Variants in APOBEC3F observed in about 807,000 individuals in gnomAD.
APOBEC3F encodes apolipoprotein B mRNA editing enzyme catalytic subunit 3F.
A neutral mutation model predicts 45.8 loss-of-function variants in APOBEC3F; 34 were observed. That is an observed-to-expected ratio of 0.74 (90% CI 0.57 to 0.99). The LOEUF (loss-of-function observed/expected upper bound fraction) is 0.99, where lower values mean the gene tolerates loss of function less well. Ranked by LOEUF, APOBEC3F falls within the 50% of genes least tolerant of loss-of-function variation. The probability of loss-of-function intolerance (pLI) is 0.00; values close to 1 mark genes in which losing one functional copy is unlikely to be tolerated. For synonymous variants in APOBEC3F, 192 were observed against 174.4 expected (o/e 1.10, Z -0.80); for missense variants, 459 against 474.1 (o/e 0.97, Z 0.30).
Position 39,045,366 on chromosome 22 carries a change from G to A in APOBEC3F, c.452-62G>A, listed in dbSNP as rs1270413959. 5 of 1,611,912 alleles carry A rather than the reference G, an allele frequency of 3.1e-6. No individual in the cohort carries two copies. The Admixed American group carries it at 6.7e-5, about 22-fold the overall frequency. On this transcript the variant is annotated intron_variant, in intron 3 of 6. Coordinates refer to ENST00000308521, the MANE Select transcript of APOBEC3F (RefSeq NM_145298.6). ...CAGCAACTGACAGCCAGGAGACCAG[G>A]CCTGGGAGCGCGGGCCCAGGGTCAG...
At chr22:39,049,712 T>G in intron 5 of APOBEC3F, 131 bp downstream of exon 5, 2 of 1,210,654 alleles carry the variant, frequency 1.7e-6, no homozygotes, top group Non-Finnish European at 2.3e-6. Context: ...TTTTTTTTTT[T>G]TTTTTGAGAC....
At position 39,052,276 on chromosome 22, in the gene APOBEC3F, T is replaced by C; in HGVS notation, c.926T>C (p.Phe309Ser). 6.2e-7 allele frequency: 1 copy of C among 1,614,144 alleles called. No homozygotes were observed. The highest frequency in any genetic ancestry group is 8.5e-7 in the Non-Finnish European group (1 of 1,180,026). Residue 309 changes from phenylalanine to serine, a missense_variant, in exon 6 of 7, where the codon TTC becomes TCC. By Grantham distance (155) the Phe-to-Ser change is radical. Coordinates refer to ENST00000308521, the MANE Select transcript of APOBEC3F (RefSeq NM_145298.6). ...LTIFTARLYY[F>S]WDTDYQEGLR... is the part of the protein sequence containing the mutation. ...ATCTTCACCGCCCGCCTCTACTACTTCTGGGATACAGATTACCAGGAGGGG... is the reference window on the plus strand; with the variant it reads ...ATCTTCACCGCCCGCCTCTACTACTCCTGGGATACAGATTACCAGGAGGGG...
In APOBEC3F at chr22:39,052,931, T is replaced by C. The variant is rs1239543309; in HGVS notation, c.*236T>C. 3 of 927,216 alleles carry C rather than the reference T, an allele frequency of 3.2e-6. No individual in the cohort carries two copies. The highest frequency in any genetic ancestry group is 3.8e-4 in the Middle Eastern group (1 of 2,598). 57.4% of individuals were successfully genotyped at this position (927,216 alleles called of 1,614,324 possible). The stretch of plus-strand genomic sequence containing the variant: ...ATCCATCCACCCACCAAGACCCTGT[T>C]CCCTGAGCCTGCATGCCCCTAACCT... On this transcript the variant is annotated 3_prime_UTR_variant, in exon 7 of 7. Coordinates refer to ENST00000308521, the MANE Select transcript of APOBEC3F (RefSeq NM_145298.6).
chr22:39,049,339 C>A, intron 4 of APOBEC3F, 86 bp from the exon 5 acceptor site: 1 of 1,455,396 alleles, frequency 6.9e-7, no homozygotes, highest in South Asian at 1.3e-5. Flanking sequence ...ATTCCCAGGG[C>A]TGTCCAGTGA....
chr22:39,053,878 TAGCTTCTGCAATAA>T lies in APOBEC3F; in HGVS notation c.*1185_*1198del, dbSNP rs535112426. ...TGTACCCTGAAACCAGCTTTATCCA[TAGCTTCTGCAATAA>T]ATGGCTGTAAGTCTTGGACTCCTTG... is the stretch of plus-strand genomic sequence containing the variant. On this transcript the variant is annotated 3_prime_UTR_variant, in exon 7 of 7. Transcript: ENST00000308521. The T allele has an allele frequency of 6.6e-6, 1 of 152,302 alleles. No homozygotes were observed. The highest frequency in any genetic ancestry group is 1.9e-4 in the East Asian group (1 of 5,184). The allele number at this position is 152,302 out of a possible 1,614,324, so 9.4% of individuals were successfully genotyped here. A position where few individuals can be genotyped will look rare whatever the true frequency, so the allele number is the denominator to read the frequency against.
rs1569070423 is a variant in APOBEC3F at position 39,045,530 on chromosome 22, A to C, written c.554A>C (p.Lys185Thr). Residue 185 changes from lysine to threonine, a missense_variant, in exon 4 of 7, where the codon AAG becomes ACG. By Grantham distance (78) the Lys-to-Thr change is moderately conservative. Coordinates refer to ENST00000308521, the MANE Select transcript of APOBEC3F (RefSeq NM_145298.6). ...TATGCATTCCTGCACCGCACGCTAA[A>C]GGAGATTCTCAGGTGAGGGTCTCCC... Reference protein sequence around the residue: ...DNYAFLHRTLKEILRNPMEAM... With the variant: ...DNYAFLHRTLTEILRNPMEAM... The C allele has an allele frequency of 6.2e-7, 1 of 1,614,122 alleles. No individual in the cohort carries two copies. Among genetic ancestry groups the C allele is most frequent in the South Asian group, 1.1e-5 (1 of 91,080 alleles).
intron 6 of APOBEC3F, 39 bp downstream of exon 6, chr22:39,052,392 G>C (rs1351992368): frequency 2.5e-6 from 4 of 1,608,374 alleles, no homozygotes; most frequent in Non-Finnish European, 3.4e-6. Flanking sequence ...GGTGCGGGAG[G>C]GACAGCATGA....
At chr22:39,041,190 C>T (rs1241618373) in intron 1 of APOBEC3F, among the ~76,000 whole-genome samples, 2 of 152,000 alleles carry the variant, frequency 1.3e-5, no homozygotes, top group Non-Finnish European at 2.9e-5. Context: ...TCCCCACCTG[C>T]CCCAGCCCAG....
chr22:39,046,596 G>T (rs1927234158), intron 4 of APOBEC3F, among the ~76,000 whole-genome samples: 1 of 151,794 alleles, frequency 6.6e-6, no homozygotes, highest in Non-Finnish European at 1.5e-5. Context: ...AACACTCAGT[G>T]ATCAAGGTCC....
At position 39,052,565 on chromosome 22, in the gene APOBEC3F, G is replaced by A. The variant is rs760089683; in HGVS notation, c.1004-12G>A. 11 of 1,610,466 alleles carry A rather than the reference G, an allele frequency of 6.8e-6. No individual in the cohort carries two copies. In the South Asian group the frequency reaches 1.2e-4, roughly 18 times the overall value. On this transcript the variant is annotated splice_polypyrimidine_tract_variant and intron_variant, in intron 6 of 6. Transcript: ENST00000308521. ...GCTGGGCCCTCACTGCTTTCTCCTT[G>A]TTTTTTCTCAGATTTTAAATATTGT...
intron 4 of APOBEC3F, among the ~76,000 whole-genome samples, chr22:39,046,332 T>C (rs1214788393): frequency 6.6e-6 from 1 of 152,178 alleles, no homozygotes; most frequent in African/African-American, 2.4e-5. Flanking sequence ...AACATATCAA[T>C]GTGGGGAAGA....
At position 39,054,953 on chromosome 22, in the gene APOBEC3F, G is replaced by A. The variant is rs1307149601; in HGVS notation, c.*2258G>A. On this transcript the variant is annotated 3_prime_UTR_variant, in exon 7 of 7. Transcript: ENST00000308521. Reference sequence around the variant, plus strand: ...GCTACAAGTCCAAGGTGGAGGGGTCGGCGGGGTTGTTTGCTCTGAGGCCGC... The same window carrying A: ...GCTACAAGTCCAAGGTGGAGGGGTCAGCGGGGTTGTTTGCTCTGAGGCCGC... 2.6e-5 allele frequency among the ~76,000 whole-genome samples: 4 copies of A among 152,132 alleles called. No homozygotes were observed. The highest frequency in any genetic ancestry group is 2.0e-4 in the Admixed American group (3 of 15,266).
intron 4 of APOBEC3F, among the ~76,000 whole-genome samples, chr22:39,046,804 C>T (rs983472151): frequency 3.9e-5 from 6 of 151,906 alleles, no homozygotes; most frequent in Middle Eastern, 3.4e-3. Context: ...TTAGTAGAGA[C>T]GGGGTTTTGC....
rs1240214442 is a variant in APOBEC3F, at chr22:39,052,444, C to T, written c.1003+91C>T. 5.7e-6 allele frequency: 9 copies of T among 1,579,254 alleles called. No homozygotes were observed. In the East Asian group the frequency reaches 2.0e-4, roughly 35 times the overall value. On this transcript the variant is annotated intron_variant, in intron 6 of 6. Coordinates refer to ENST00000308521, the MANE Select transcript of APOBEC3F (RefSeq NM_145298.6). ...CAATGCCGTGGGGCGGGGCAGTGTC[C>T]CGGGAAGCCTGCAGGGATGGCGCCA...
At chr22:39,041,088 C>T (rs1926862053) in intron 1 of APOBEC3F, 111 bp downstream of exon 1, 1 of 1,516,472 alleles carries the variant, frequency 6.6e-7, no homozygotes, top group Non-Finnish European at 8.9e-7. Flanking sequence ...CCCTGGGCTC[C>T]CTCCCCTCTG....
At chr22:39,047,940 G>A (rs1217678653) in intron 4 of APOBEC3F, among the ~76,000 whole-genome samples, 2 of 152,134 alleles carry the variant, frequency 1.3e-5, no homozygotes, top group East Asian at 3.9e-4. Flanking sequence ...CAAAGTCTTA[G>A]GAGAGGATGT....
At chr22:39,045,337 C>G in intron 3 of APOBEC3F, 91 bp from the exon 4 acceptor site, 2 of 1,605,498 alleles carry the variant, frequency 1.2e-6, no homozygotes, top group South Asian at 2.2e-5. Flanking sequence ...GGGGCCAGCA[C>G]TGACAGCAAC....
chr22:39,048,281 G>A (rs896327590), intron 4 of APOBEC3F, among the ~76,000 whole-genome samples: 3 of 152,162 alleles, frequency 2.0e-5, no homozygotes, highest in Non-Finnish European at 2.9e-5. Flanking sequence ...AGGTTACCCC[G>A]CCTCTCTGTG....
At chr22:39,044,804 C>A in intron 2 of APOBEC3F, 137 bp from the exon 3 acceptor site, 2 of 818,718 alleles carry the variant, frequency 2.4e-6, no homozygotes, top group South Asian at 3.6e-5. Flanking sequence ...TCAAACTAAA[C>A]AGGGGGGATG....
Sources: gnomAD v4.1 joint callset for allele counts (sites outside exome capture counted in the v4.1 genomes callset) on GRCh38, gnomAD v4.1.1 for gene constraint, MANE v1.5 for transcripts, NCBI Gene and HGNC (gene_info 2026-07-23, HGNC 2026-07-21) for gene names.